LMO7: variants seen among roughly 807,000 people sequenced by gnomAD.
LMO7 encodes LIM domain 7.
A neutral mutation model predicts 206.5 loss-of-function variants in LMO7; 120 were observed. The ratio of observed to expected loss-of-function variants is 0.58; its 90% CI spans 0.50 to 0.68. LMO7 has a LOEUF of 0.68. Among genes scored for constraint, LMO7 ranks in the 30% least tolerant of loss-of-function variants. The pLI, the probability that LMO7 is intolerant of heterozygous loss-of-function variation, is 0.00. For synonymous variants in LMO7, 706 were observed against 681.5 expected (o/e 1.04, Z -0.56); for missense variants, 1,959 against 1,957.9 (o/e 1.00, Z -0.01).
At chr13:75,701,528 C>A (rs2137909085) in intron 1 of LMO7, among the ~76,000 whole-genome samples, 1 of 152,242 alleles carries the variant, frequency 6.6e-6, no homozygotes, top group Admixed American at 6.5e-5. Flanking sequence ...ATGACGCCAT[C>A]TTTTTGCTGT....
At chr13:75,706,304 G>C (rs753296456) in intron 1 of LMO7, among the ~76,000 whole-genome samples, 14 of 152,092 alleles carry the variant, frequency 9.2e-5, no homozygotes, top group Non-Finnish European at 1.3e-4. Flanking sequence ...AGACCTAATA[G>C]TCCTGCTATA....
intron 1 of LMO7, among the ~76,000 whole-genome samples, chr13:75,680,201 A>G (rs1195760806): frequency 1.3e-5 from 2 of 152,154 alleles, no homozygotes; most frequent in Non-Finnish European, 2.9e-5. Flanking sequence ...TTCCAGCTCT[A>G]TCCATGTCCC....
intron 3 of LMO7, among the ~76,000 whole-genome samples, chr13:75,736,185 T>A (rs1408599809): frequency 6.6e-6 from 1 of 152,262 alleles, no homozygotes; most frequent in Non-Finnish European, 1.5e-5. Flanking sequence ...TCTTTAGAAA[T>A]TAAAGTGAAC....
intron 1 of LMO7, among the ~76,000 whole-genome samples, chr13:75,694,680 C>A (rs1053173356): frequency 6.6e-6 from 1 of 151,990 alleles, no homozygotes; most frequent in Non-Finnish European, 1.5e-5. Context: ...ATGGTTTCAA[C>A]AGAGAAGTGA....
intron 4 of LMO7, among the ~76,000 whole-genome samples, chr13:75,782,141 AT>A (rs1272290091): frequency 6.6e-6 from 1 of 152,136 alleles, no homozygotes; most frequent in Non-Finnish European, 1.5e-5. Flanking sequence ...ATTAGATCCC[AT>A]TTGTCAACTT....
Position 75,760,448 on chromosome 13 carries a change from G to A in LMO7, c.211-484G>A, listed in dbSNP as rs148090977. 216 of 1,167,116 alleles carry A rather than the reference G, an allele frequency of 1.9e-4. No homozygotes were observed. The African/African-American group carries it at 3.2e-3, about 17-fold the overall frequency. The allele number at this position is 1,167,116 out of a possible 1,614,324, so 72.3% of individuals were successfully genotyped here. On this transcript the variant is annotated intron_variant, in intron 3 of 30. Coordinates refer to ENST00000377534, the MANE Select transcript of LMO7 (RefSeq NM_001306080.2). ...ATTCCAGGTGTGGTATTCCACAGTC[G>A]TTCTGTAATTTGTAATCATAGAAAC...
chr13:75,721,401 G>C (rs1270274501), intron 2 of LMO7, among the ~76,000 whole-genome samples: 1 of 152,130 alleles, frequency 6.6e-6, no homozygotes, highest in Non-Finnish European at 1.5e-5. Flanking sequence ...GAGAGGGAGA[G>C]GGTTGTCTGT....
rs1271420746 is a variant in LMO7, at chr13:75,742,921, A to G, written c.210+15823A>G. The stretch of plus-strand genomic sequence containing the variant: ...TTCTGCACAGCAAAAGGAACTATCA[A>G]CAGAGTAAACAGACAACCTACAGAA... On this transcript the variant is annotated intron_variant, in intron 3 of 30. Transcript: ENST00000377534. Among the ~76,000 whole-genome samples the G allele has an allele frequency of 2.6e-5, 4 of 152,172 alleles. No homozygotes were observed. The South Asian group carries it at 8.3e-4, about 32-fold the overall frequency.
chr13:75,769,159 G>A (rs1450722473), intron 4 of LMO7, among the ~76,000 whole-genome samples: 1 of 152,070 alleles, frequency 6.6e-6, no homozygotes, highest in Middle Eastern at 3.4e-3. Flanking sequence ...AAATAGAGTA[G>A]GCATGAATGT....
intron 26 of LMO7, among the ~76,000 whole-genome samples, chr13:75,845,949 G>A (rs1055501816): frequency 3.9e-5 from 6 of 152,236 alleles, no homozygotes; most frequent in African/African-American, 1.4e-4. Flanking sequence ...TGCATAAGCA[G>A]GCGGCTGGTC....
chr13:75,815,488 T>A (rs1416680699), intron 11 of LMO7, among the ~76,000 whole-genome samples: 1 of 152,166 alleles, frequency 6.6e-6, no homozygotes. Flanking sequence ...GAGCAGGTTG[T>A]GAAGAGGACA....
chr13:75,694,887 A>T (rs1594330812), intron 1 of LMO7, among the ~76,000 whole-genome samples: 1 of 152,116 alleles, frequency 6.6e-6, no homozygotes, highest in Admixed American at 6.5e-5. Context: ...GAGGAAGAGC[A>T]CCTAGCCGGT....
At chr13:75,805,049 G>A in intron 8 of LMO7, 1 of 1,002,890 alleles carries the variant, frequency 1.0e-6, no homozygotes, top group Middle Eastern at 5.0e-4. Context: ...AAGTGAAAAA[G>A]AGGCCCCAGA....
chr13:75,737,183 A>T (rs2045896051), intron 3 of LMO7, among the ~76,000 whole-genome samples: 1 of 152,128 alleles, frequency 6.6e-6, no homozygotes, highest in South Asian at 2.1e-4. Context: ...GCCTGTGAAA[A>T]CACAGACACA....
chr13:75,796,095 G>C (rs1172820697), intron 5 of LMO7, among the ~76,000 whole-genome samples: 1 of 152,178 alleles, frequency 6.6e-6, no homozygotes, highest in East Asian at 1.9e-4. Flanking sequence ...GATTTTTATA[G>C]GAGTAAATAG....
At chr13:75,855,483 C>A (rs4885354) in intron 29 of LMO7, 115 bp downstream of exon 29, 410,244 of 573,820 alleles carry the variant, frequency 0.71, 148,482 homozygotes, top group Middle Eastern at 0.82. Flanking sequence ...TGTATTCGTC[C>A]ATCTGTGCTG....
intron 2 of LMO7, among the ~76,000 whole-genome samples, chr13:75,725,510 T>G (rs2044395197): frequency 6.6e-6 from 1 of 152,090 alleles, no homozygotes; most frequent in African/African-American, 2.4e-5. Flanking sequence ...ATGCCACCAG[T>G]AACAGAAATA....
intron 11 of LMO7, 106 bp downstream of exon 11, chr13:75,809,289 T>C: frequency 1.1e-6 from 1 of 897,708 alleles, no homozygotes. Context: ...TGTTGTGTGC[T>C]GTGCATGATA....
intron 1 of LMO7, among the ~76,000 whole-genome samples, chr13:75,676,585 T>G (rs2040036638): frequency 6.6e-6 from 1 of 152,220 alleles, no homozygotes; most frequent in Non-Finnish European, 1.5e-5. Flanking sequence ...AATCCACACC[T>G]GAAGATTAGT....
Sources: allele counts gnomAD v4.1 joint callset (sites outside exome capture counted in the v4.1 genomes callset), GRCh38; gene constraint gnomAD v4.1.1; transcripts MANE v1.5; gene names NCBI Gene and HGNC (gene_info 2026-07-23, HGNC 2026-07-21).